ST8SIA6: variants seen among roughly 807,000 people sequenced by gnomAD.
ST8SIA6 encodes the protein ST8 alpha-N-acetyl-neuraminide alpha-2,8-sialyltransferase 6, also known as alpha-2,8-sialyltransferase 8F.
In ST8SIA6, 39 loss-of-function variants were observed where a neutral mutation model predicts 33.6. The ratio of observed to expected loss-of-function variants is 1.16; its 90% CI spans 0.90 to 1.52. The LOEUF (loss-of-function observed/expected upper bound fraction) is 1.52. Among genes scored for constraint, ST8SIA6 ranks in the 40% most tolerant of loss-of-function variants. The probability of loss-of-function intolerance (pLI) is 0.00; values close to 1 mark genes in which losing one functional copy is unlikely to be tolerated. For synonymous variants in ST8SIA6, 172 were observed against 167.2 expected (o/e 1.03, Z -0.22); for missense variants, 441 against 443.8 (o/e 0.99, Z 0.06).
At chr10:17,329,699 C>G (rs1241985334) in intron 5 of ST8SIA6, among the ~76,000 whole-genome samples, 1 of 152,174 alleles carries the variant, frequency 6.6e-6, no homozygotes, top group Non-Finnish European at 1.5e-5. Flanking sequence ...ATGTTTTTCT[C>G]TGGTTTCTTG....
Position 17,323,072 on chromosome 10 carries a change from T to C in ST8SIA6, c.721A>G (p.Thr241Ala). The part of the protein sequence containing the change: ...NLVTINPSII[T>A]LKYGNLKEKK... ...TAACTTGCAGCTACTTACTTCAGAG[T>C]TATGATGCTTGGATTTATAGTCACA... The change falls in exon 7 of 8, where the codon ACT (threonine) becomes GCT (alanine). Residue 241 changes from threonine (T) to alanine (A), a missense_variant. Physicochemically the swap from Thr to Ala is moderately conservative, Grantham distance 58. Coordinates refer to ENST00000377602, the MANE Select transcript of ST8SIA6 (RefSeq NM_001004470.3). 1.2e-6 allele frequency: 2 copies of C among 1,612,408 alleles called. 1 individual carries two copies.
At chr10:17,355,227 T>C (rs2131612722) in intron 4 of ST8SIA6, among the ~76,000 whole-genome samples, 1 of 152,342 alleles carries the variant, frequency 6.6e-6, no homozygotes, top group Non-Finnish European at 1.5e-5. Flanking sequence ...TATCCAGTTG[T>C]CTTAAAGTCA....
At chr10:17,400,392 C>A (rs1850991668) in intron 2 of ST8SIA6, among the ~76,000 whole-genome samples, 1 of 152,100 alleles carries the variant, frequency 6.6e-6, no homozygotes, top group Non-Finnish European at 1.5e-5. Context: ...CTTAGCCAGG[C>A]GTGGTGGCAC....
rs1398121178 is a variant in ST8SIA6, at chr10:17,359,509, A to G, written c.377+5T>C. The G allele has an allele frequency of 1.9e-6, 3 of 1,585,680 alleles. No homozygotes were observed. The highest frequency in any genetic ancestry group is 2.6e-6 in the Non-Finnish European group (3 of 1,161,954). On this transcript the variant is annotated splice_donor_5th_base_variant and intron_variant, in intron 4 of 7. Transcript: ENST00000377602. ...AAATCTCATATTATTTATGAAAAAA[A>G]TTACCTAAAATTTGCATATTCTTCT...
chr10:17,350,020 A>G (rs1848978997), intron 4 of ST8SIA6, among the ~76,000 whole-genome samples: 1 of 152,214 alleles, frequency 6.6e-6, no homozygotes, highest in African/African-American at 2.4e-5. Flanking sequence ...AGGATAATAC[A>G]TCAGCAATGA....
chr10:17,440,303 T>C (rs528706810), intron 2 of ST8SIA6, among the ~76,000 whole-genome samples: 1 of 149,828 alleles, frequency 6.7e-6, no homozygotes, highest in African/African-American at 2.5e-5. Flanking sequence ...CCTCCCGGGC[T>C]CAAGCAATTC....
chr10:17,366,042 C>G (rs564660852), intron 3 of ST8SIA6, among the ~76,000 whole-genome samples: 6 of 152,108 alleles, frequency 3.9e-5, no homozygotes, highest in Admixed American at 3.9e-4. Flanking sequence ...TCAGTCAATA[C>G]AGTCAATCAT....
chr10:17,369,773 A>C (rs889175344), intron 3 of ST8SIA6, among the ~76,000 whole-genome samples: 1 of 152,190 alleles, frequency 6.6e-6, no homozygotes, highest in African/African-American at 2.4e-5. Context: ...GACCTTTATC[A>C]TATAAAATCT....
chr10:17,335,289 T>C (rs1848464490), intron 4 of ST8SIA6, among the ~76,000 whole-genome samples: 3 of 152,322 alleles, frequency 2.0e-5, no homozygotes, highest in South Asian at 2.1e-4. Context: ...ATGTTGATGG[T>C]AGTGAGTCAT....
chr10:17,349,029 G>C (rs879480424), intron 4 of ST8SIA6, among the ~76,000 whole-genome samples: 2 of 152,186 alleles, frequency 1.3e-5, no homozygotes, highest in Non-Finnish European at 1.5e-5. Context: ...CATCTGGAAA[G>C]GGAGGGACAA....
Position 17,387,326 on chromosome 10 carries a change from A to G in ST8SIA6, c.290+3205T>C, listed in dbSNP as rs546728481. Among the ~76,000 whole-genome samples, 20 of 150,258 alleles carry G rather than the reference A, an allele frequency of 1.3e-4. No individual in the cohort carries two copies. The East Asian group carries it at 3.9e-3, about 30-fold the overall frequency. On this transcript the variant is annotated intron_variant, in intron 3 of 7. Coordinates refer to ENST00000377602, the MANE Select transcript of ST8SIA6 (RefSeq NM_001004470.3). ...GAGTGCAGTGGCGTGATCTTGGCTC[A>G]CCACAACCTCTGCCTCCCGGGTTCA...
At chr10:17,394,163 C>T (rs1238975902) in intron 2 of ST8SIA6, among the ~76,000 whole-genome samples, 1 of 151,898 alleles carries the variant, frequency 6.6e-6, no homozygotes, top group East Asian at 1.9e-4. Flanking sequence ...AATAAAAACT[C>T]AGAATAGGTT....
intron 2 of ST8SIA6, among the ~76,000 whole-genome samples, chr10:17,415,107 C>G (rs894487263): frequency 2.4e-4 from 36 of 152,138 alleles, no homozygotes; most frequent in African/African-American, 8.2e-4. Flanking sequence ...CATTTTTCTA[C>G]CCCCTGTAAG....
intron 2 of ST8SIA6, among the ~76,000 whole-genome samples, chr10:17,393,407 C>T (rs779646060): frequency 4.6e-5 from 7 of 152,236 alleles, no homozygotes; most frequent in Non-Finnish European, 1.0e-4. Context: ...TTGCTTCAGT[C>T]TTGTGGCACC....
chr10:17,323,249 A>ACACACC, intron 6 of ST8SIA6, 92 bp from the exon 7 acceptor site: 1 of 718,270 alleles, frequency 1.4e-6, no homozygotes, highest in African/African-American at 1.8e-5. Flanking sequence ...ACACACACAC[A>ACACACC]CCTATCTATA....
chr10:17,407,400 T>G (rs1851306927), intron 2 of ST8SIA6, among the ~76,000 whole-genome samples: 1 of 152,244 alleles, frequency 6.6e-6, no homozygotes, highest in Admixed American at 6.5e-5. Context: ...TCAGATCATG[T>G]TAACACTGCT....
At chr10:17,384,049 T>G (rs1850253183) in intron 3 of ST8SIA6, among the ~76,000 whole-genome samples, 1 of 152,226 alleles carries the variant, frequency 6.6e-6, no homozygotes. Context: ...AGGACACAAT[T>G]GGAGAAACTG....
intron 4 of ST8SIA6, among the ~76,000 whole-genome samples, chr10:17,334,408 A>G (rs1463274389): frequency 6.6e-6 from 1 of 151,710 alleles, no homozygotes; most frequent in East Asian, 1.9e-4. Flanking sequence ...GCACGGTGGC[A>G]GGCACCTGTA....
At chr10:17,431,147 T>A (rs563932265) in intron 2 of ST8SIA6, among the ~76,000 whole-genome samples, 2 of 152,318 alleles carry the variant, frequency 1.3e-5, no homozygotes, top group East Asian at 3.9e-4. Flanking sequence ...TCGTCCTTTT[T>A]TCTCTTCTCA....
Sources: gnomAD v4.1 joint callset for allele counts (sites outside exome capture counted in the v4.1 genomes callset) on GRCh38, gnomAD v4.1.1 for gene constraint, MANE v1.5 for transcripts, NCBI Gene and HGNC (gene_info 2026-07-23, HGNC 2026-07-21) for gene names.